CCDC93: variants seen among roughly 807,000 people sequenced by gnomAD.
CCDC93 encodes coiled-coil domain-containing protein 93.
A neutral mutation model predicts 108.2 loss-of-function variants in CCDC93; 61 were observed. The ratio of observed to expected loss-of-function variants is 0.56; its 90% CI spans 0.46 to 0.70. The LOEUF is 0.70. CCDC93 is among the 30% of genes least tolerant of loss of function. The probability of loss-of-function intolerance (pLI) is 0.00; values close to 1 mark genes in which losing one functional copy is unlikely to be tolerated. For missense variants in CCDC93, 685 were observed against 764.2 expected (o/e 0.90, Z 1.22); for synonymous variants, 276 against 260.4 (o/e 1.06, Z -0.58).
chr2:118,006,458 C>T (rs192934037), intron 3 of CCDC93, among the ~76,000 whole-genome samples: 260 of 152,342 alleles, frequency 1.7e-3, no homozygotes, highest in African/African-American at 6.0e-3. Flanking sequence ...GGAAGGAAAG[C>T]ATCTCCTTTC....
intron 7 of CCDC93, among the ~76,000 whole-genome samples, chr2:117,980,303 G>C (rs150024657): frequency 5.1e-4 from 78 of 152,298 alleles, no homozygotes; most frequent in African/African-American, 1.7e-3. Context: ...AACAATACAA[G>C]GTCTTGCCCA....
At chr2:117,987,592 C>T (rs1680357885) in intron 6 of CCDC93, among the ~76,000 whole-genome samples, 1 of 152,158 alleles carries the variant, frequency 6.6e-6, no homozygotes, top group Admixed American at 6.5e-5. Context: ...AAGGCAGTTC[C>T]CCTCAATGGG....
intron 21 of CCDC93, 149 bp from the exon 22 acceptor site, chr2:117,935,728 G>A (rs1176512500): frequency 6.5e-6 from 3 of 464,360 alleles, no homozygotes; most frequent in Non-Finnish European, 1.1e-5. Context: ...GGGGCCCCTG[G>A]GATCCCAGGC....
rs1031238852 is a variant in CCDC93, at chr2:117,931,049, T to C, written c.1830A>G (p.Lys610=). The change falls in exon 23 of 24, where the codon AAA becomes AAG. Residue 610 remains lysine, a synonymous_variant. Coordinates refer to ENST00000376300, the MANE Select transcript of CCDC93 (RefSeq NM_019044.5). ...EKQRLYFKTV[K]EFKEEGRKNE... ...GCCTTCCTCTTACCTCCTTGAACTC[T>C]TTCACAGTCTTAAAGTATAGCCTCT... 6.2e-7 allele frequency: 1 copy of C among 1,609,062 alleles called. No homozygotes were observed. The highest frequency in any genetic ancestry group is 8.5e-7 in the Non-Finnish European group (1 of 1,175,812).
intron 23 of CCDC93, 45 bp from the exon 24 acceptor site, chr2:117,920,441 G>C: frequency 2.1e-6 from 3 of 1,405,904 alleles, no homozygotes; most frequent in Non-Finnish European, 3.0e-6. Flanking sequence ...GACTACATTA[G>C]CACCCATGTG....
chr2:117,986,481 G>A (rs1191257089), intron 6 of CCDC93, among the ~76,000 whole-genome samples: 1 of 152,056 alleles, frequency 6.6e-6, no homozygotes, highest in Non-Finnish European at 1.5e-5. Flanking sequence ...CAGCTGCTAT[G>A]CCAGCAAGGT....
intron 19 of CCDC93, 98 bp downstream of exon 19, chr2:117,941,091 A>T (rs2104729391): frequency 4.8e-6 from 4 of 830,198 alleles, no homozygotes; most frequent in East Asian, 2.5e-5. Flanking sequence ...GCCTTTGTGG[A>T]CTGTGCTCTG....
Position 117,969,304 on chromosome 2 carries a change from G to A in CCDC93, c.888+4604C>T, listed in dbSNP as rs184293545. On this transcript the variant is annotated intron_variant, in intron 11 of 23. Coordinates refer to ENST00000376300, the MANE Select transcript of CCDC93 (RefSeq NM_019044.5). ...GCCAGCAAAAACTGGTGACCTCAGT[G>A]AGCAGGTTGCAAGGAACTGAATGCT... Among the ~76,000 whole-genome samples, 56 of 152,292 alleles carry A rather than the reference G, an allele frequency of 3.7e-4. 1 individual carries two copies. Among genetic ancestry groups the A allele is most frequent in the Middle Eastern group, 6.8e-3 (2 of 294 alleles).
intron 13 of CCDC93, 38 bp downstream of exon 13, chr2:117,952,335 A>C: frequency 1.4e-6 from 2 of 1,396,140 alleles, no homozygotes; most frequent in African/African-American, 1.4e-5. Context: ...ACAATTCTTG[A>C]CAAGGGCCCA....
chr2:117,945,990 A>G (rs1263921800), intron 16 of CCDC93, among the ~76,000 whole-genome samples: 1 of 152,218 alleles, frequency 6.6e-6, no homozygotes, highest in Non-Finnish European at 1.5e-5. Flanking sequence ...TGAGCCTGGG[A>G]TACCACTGCC....
At chr2:117,955,769 A>G (rs964868130) in intron 12 of CCDC93, among the ~76,000 whole-genome samples, 4 of 152,180 alleles carry the variant, frequency 2.6e-5, no homozygotes, top group Non-Finnish European at 5.9e-5. Context: ...AGCAATTACT[A>G]TTACTGACAG....
chr2:117,959,261 C>T (rs1029823329), intron 11 of CCDC93, among the ~76,000 whole-genome samples: 1 of 152,184 alleles, frequency 6.6e-6, no homozygotes, highest in Non-Finnish European at 1.5e-5. Flanking sequence ...CTGTGAGAAG[C>T]CCCAGGAAAA....
chr2:117,969,654 A>ACAATTT (rs1273042944), intron 11 of CCDC93, among the ~76,000 whole-genome samples: 1 of 152,240 alleles, frequency 6.6e-6, no homozygotes, highest in Non-Finnish European at 1.5e-5. Flanking sequence ...CAAAACATAA[A>ACAATTT]CAATTTCAAA....
At chr2:117,949,800 C>G in intron 13 of CCDC93, 1 of 985,386 alleles carries the variant, frequency 1.0e-6, no homozygotes, top group Non-Finnish European at 1.2e-6. Flanking sequence ...CTAAGACCCC[C>G]AAACATCCAG....
chr2:117,935,668 T>C, intron 21 of CCDC93, 89 bp from the exon 22 acceptor site: 2 of 999,648 alleles, frequency 2.0e-6, no homozygotes, highest in Admixed American at 1.9e-5. Flanking sequence ...ATCCAGATTA[T>C]GACTCTTAGG....
At position 117,915,608 on chromosome 2, in the gene CCDC93, G is replaced by A. The variant is rs1037189235; in HGVS notation, c.*4735C>T. ...AACTATTTTTTAATAGATAATACAT[G>A]TACATGGTACAAAATTCAAAAGGTA... On this transcript the variant is annotated 3_prime_UTR_variant, in exon 24 of 24. Transcript: ENST00000376300. 1 of 152,110 alleles carries A rather than the reference G, an allele frequency of 6.6e-6. No individual in the cohort carries two copies. The highest frequency in any genetic ancestry group is 1.5e-5 in the Non-Finnish European group (1 of 68,020). The allele number at this position is 152,110 out of a possible 1,614,324, so 9.4% of individuals were successfully genotyped here. A position where few individuals can be genotyped will look rare whatever the true frequency, so the allele number is the denominator to read the frequency against.
At chr2:117,936,646 A>T in intron 21 of CCDC93, 56 bp downstream of exon 21, 3 of 1,372,866 alleles carry the variant, frequency 2.2e-6, no homozygotes, top group Non-Finnish European at 3.1e-6. Flanking sequence ...AGGTGGGCTG[A>T]ATTCAAAGCG....
chr2:117,974,068 A>G, intron 10 of CCDC93, 74 bp from the exon 11 acceptor site: 1 of 933,664 alleles, frequency 1.1e-6, no homozygotes, highest in South Asian at 1.4e-5. Flanking sequence ...TGAACACTCT[A>G]TTATGTCTGA....
chr2:117,947,323 C>A (rs1377730397), intron 15 of CCDC93, among the ~76,000 whole-genome samples: 1 of 152,138 alleles, frequency 6.6e-6, no homozygotes, highest in Non-Finnish European at 1.5e-5. Flanking sequence ...GGCTCCTGTG[C>A]TGAAGTGCCT....
Sources: allele counts gnomAD v4.1 joint callset (sites outside exome capture counted in the v4.1 genomes callset), GRCh38; gene constraint gnomAD v4.1.1; transcripts MANE v1.5; gene names NCBI Gene and HGNC (gene_info 2026-07-23, HGNC 2026-07-21).